Variants in HDAC9 observed in about 807,000 individuals in gnomAD.
The protein encoded by HDAC9 is histone deacetylase 9, also known as MEF-2 interacting transcription repressor (MITR) protein.
A neutral mutation model predicts 139.4 loss-of-function variants in HDAC9; 41 were observed. That is an observed-to-expected ratio of 0.29 (90% CI 0.23 to 0.38). The LOEUF is 0.38. HDAC9 is among the 10% of genes least tolerant of loss of function. HDAC9 has a pLI of 1.00. For missense variants in HDAC9, 1,147 were observed against 1,297.0 expected (o/e 0.88, Z 1.78); for synonymous variants, 517 against 476.2 (o/e 1.09, Z -1.12).
chr7:18,538,026 A>G (rs980869665), intron 2 of HDAC9, among the ~76,000 whole-genome samples: 4 of 152,212 alleles, frequency 2.6e-5, no homozygotes, highest in African/African-American at 9.7e-5. Flanking sequence ...CTTACTTTGT[A>G]GTAGACCACT....
At chr7:18,539,856 C>T (rs951239288) in intron 2 of HDAC9, among the ~76,000 whole-genome samples, 4 of 151,414 alleles carry the variant, frequency 2.6e-5, no homozygotes, top group African/African-American at 2.4e-5. Context: ...AATGAGGACA[C>T]CAAAAATGTC....
At chr7:18,913,117 G>A (rs888220430) in intron 22 of HDAC9, among the ~76,000 whole-genome samples, 1 of 152,012 alleles carries the variant, frequency 6.6e-6, no homozygotes, top group Non-Finnish European at 1.5e-5. Flanking sequence ...CTAGAACAAA[G>A]GCTGTATAAG....
chr7:18,606,267 T>A (rs571220719), intron 6 of HDAC9, among the ~76,000 whole-genome samples: 2 of 152,268 alleles, frequency 1.3e-5, no homozygotes, highest in Admixed American at 1.3e-4. Context: ...GGAGTGAAAA[T>A]TTCCCAGTTC....
intron 1 of HDAC9, among the ~76,000 whole-genome samples, chr7:18,161,720 TATC>T (rs1787641383): frequency 6.6e-6 from 1 of 152,166 alleles, no homozygotes; most frequent in South Asian, 2.1e-4. Flanking sequence ...AAGTGGAAAT[TATC>T]ATGGGAGTTT....
intron 6 of HDAC9, among the ~76,000 whole-genome samples, chr7:18,623,531 A>G (rs1394931561): frequency 6.6e-6 from 1 of 152,168 alleles, no homozygotes; most frequent in African/African-American, 2.4e-5. Flanking sequence ...TATGATAGAC[A>G]ACCAGGTGAG....
chr7:18,712,455 T>A (rs770782616), intron 12 of HDAC9, among the ~76,000 whole-genome samples: 3 of 152,228 alleles, frequency 2.0e-5, no homozygotes, highest in Non-Finnish European at 4.4e-5. Context: ...CCTGTTTCAG[T>A]GTCAATTTAT....
At chr7:18,367,000 C>T (rs1345852727) in intron 1 of HDAC9, among the ~76,000 whole-genome samples, 1 of 152,002 alleles carries the variant, frequency 6.6e-6, no homozygotes, top group Non-Finnish European at 1.5e-5. Flanking sequence ...GCATTCACTA[C>T]CTTTCTATAT....
intron 2 of HDAC9, 183 bp downstream of exon 2, chr7:18,496,507 A>T: frequency 1.7e-6 from 1 of 593,384 alleles, no homozygotes; most frequent in Non-Finnish European, 3.0e-6. Flanking sequence ...GTGCATATTC[A>T]GTCTGCTTAG....
chr7:18,272,566 A>G (rs1432821796), intron 2 of HDAC9, among the ~76,000 whole-genome samples: 1 of 152,214 alleles, frequency 6.6e-6, no homozygotes, highest in Admixed American at 6.5e-5. Flanking sequence ...TGTCTCTAAC[A>G]CTAGCTATCG....
chr7:18,853,199 G>GA (rs1226802833), intron 21 of HDAC9, among the ~76,000 whole-genome samples: 1 of 152,042 alleles, frequency 6.6e-6, no homozygotes, highest in Non-Finnish European at 1.5e-5. Flanking sequence ...AAATGAAACA[G>GA]AAAAAATACC....
intron 2 of HDAC9, among the ~76,000 whole-genome samples, chr7:18,285,154 G>A (rs1302259306): frequency 6.6e-6 from 1 of 152,046 alleles, no homozygotes; most frequent in Non-Finnish European, 1.5e-5. Context: ...ATAAAATTTG[G>A]GGGAAATTGT....
chr7:18,195,690 C>T (rs1265709182), intron 2 of HDAC9, among the ~76,000 whole-genome samples: 1 of 152,138 alleles, frequency 6.6e-6, no homozygotes, highest in African/African-American at 2.4e-5. Context: ...TTAGCATTTT[C>T]ACTGTTACAG....
chr7:18,756,983 C>G (rs550542620), intron 14 of HDAC9, among the ~76,000 whole-genome samples: 2 of 151,796 alleles, frequency 1.3e-5, no homozygotes, highest in Non-Finnish European at 2.9e-5. Context: ...CCATTTCTTA[C>G]GTAACATTTT....
At chr7:18,507,042 A>G (rs1408648822) in intron 2 of HDAC9, among the ~76,000 whole-genome samples, 1 of 152,004 alleles carries the variant, frequency 6.6e-6, no homozygotes, top group Non-Finnish European at 1.5e-5. Flanking sequence ...CGCATTTTAT[A>G]TTTTACTATT....
intron 1 of HDAC9, among the ~76,000 whole-genome samples, chr7:18,444,719 C>G (rs914059896): frequency 6.6e-6 from 1 of 152,094 alleles, no homozygotes; most frequent in Non-Finnish European, 1.5e-5. Flanking sequence ...AAAAAAGTGC[C>G]AATGTTAAGA....
intron 2 of HDAC9, among the ~76,000 whole-genome samples, chr7:18,220,796 G>A (rs1457032547): frequency 1.3e-5 from 2 of 152,144 alleles, no homozygotes; most frequent in Non-Finnish European, 1.5e-5. Flanking sequence ...TCGTAGCTCA[G>A]ATGTGGGATG....
At position 18,757,740 on chromosome 7, in the gene HDAC9, C is replaced by G. The variant is rs141754180; in HGVS notation, c.2044-4417C>G. Among the ~76,000 whole-genome samples, 34 of 151,908 alleles carry G rather than the reference C, an allele frequency of 2.2e-4. 1 individual carries two copies. Among genetic ancestry groups the G allele is most frequent in the Non-Finnish European group, 8.8e-5 (6 of 67,972 alleles). ...TATGAATCTATATCGTGTGTGTGCT[C>G]TGTGTGTGGGTGGGTGTGGGTAGGC... is the stretch of plus-strand genomic sequence containing the variant. On this transcript the variant is annotated intron_variant, in intron 14 of 25. Coordinates refer to ENST00000686413, the MANE Select transcript of HDAC9 (RefSeq NM_178425.4).
At chr7:18,679,671 TG>T (rs1781763334) in intron 12 of HDAC9, among the ~76,000 whole-genome samples, 1 of 151,794 alleles carries the variant, frequency 6.6e-6, no homozygotes, top group African/African-American at 2.4e-5. Context: ...GACCGTGTTC[TG>T]TTAATTCAGT....
At chr7:18,876,645 G>T (rs1014081063) in intron 22 of HDAC9, among the ~76,000 whole-genome samples, 3 of 151,866 alleles carry the variant, frequency 2.0e-5, no homozygotes, top group African/African-American at 7.2e-5. Context: ...ATTGCATGAG[G>T]CATTTTCTGT....
Sources: allele counts gnomAD v4.1 joint callset (sites outside exome capture counted in the v4.1 genomes callset), GRCh38; gene constraint gnomAD v4.1.1; transcripts MANE v1.5; gene names NCBI Gene and HGNC (gene_info 2026-07-23, HGNC 2026-07-21).